The following SPMIP7 variants were observed in gnomAD, a reference collection of about 807,000 sequenced individuals.
SPMIP7 encodes sperm microtubule inner protein 7.
At chr7:50,098,508 A>AT in the SPMIP7 span, among the ~76,000 whole-genome samples, 3 of 152,164 alleles carry the variant, frequency 2.0e-5, no homozygotes, top group Non-Finnish European at 4.4e-5. Context: ...AAACCATTGT[A>AT]TTAAGTCACT....
chr7:50,150,473 G>A, the SPMIP7 span, among the ~76,000 whole-genome samples: 2 of 152,136 alleles, frequency 1.3e-5, no homozygotes, highest in African/African-American at 2.4e-5. Context: ...GCGTTGATAC[G>A]ACTCTGCAAA....
the SPMIP7 span, among the ~76,000 whole-genome samples, chr7:50,101,230 C>T: frequency 6.6e-6 from 1 of 152,222 alleles, no homozygotes; most frequent in Non-Finnish European, 1.5e-5. Context: ...ACTTGATAAG[C>T]ACTTGCACGT....
chr7:50,135,090 G>T, the SPMIP7 span, among the ~76,000 whole-genome samples: 3 of 152,288 alleles, frequency 2.0e-5, no homozygotes, highest in African/African-American at 7.2e-5. Context: ...TTTCCAGGTT[G>T]TGTGCTTTGC....
chr7:50,141,936 G>C, the SPMIP7 span: 5 of 152,678 alleles, frequency 3.3e-5, no homozygotes, highest in East Asian at 9.7e-4. Context: ...CACTGTGTTA[G>C]CCAGGATGGT....
chr7:50,095,964 G>T, the SPMIP7 span: 1 of 620,786 alleles, frequency 1.6e-6, no homozygotes, highest in Non-Finnish European at 2.5e-6. Context: ...TTAGAAAGCT[G>T]TGTCAATTTT....
At chr7:50,107,396 G>GA in the SPMIP7 span, among the ~76,000 whole-genome samples, 164 of 53,210 alleles carry the variant, frequency 3.1e-3, 1 homozygote, top group Non-Finnish European at 3.5e-3. Context: ...GAAAAGAAAA[G>GA]AAAAAGAAAA....
At chr7:50,112,101 A>G in the SPMIP7 span, among the ~76,000 whole-genome samples, 17 of 152,276 alleles carry the variant, frequency 1.1e-4, no homozygotes, top group Non-Finnish European at 2.2e-4. Context: ...ATTATCTTGG[A>G]ATAATAATTA....
chr7:50,099,874 C>T, the SPMIP7 span, among the ~76,000 whole-genome samples: 1 of 152,134 alleles, frequency 6.6e-6, no homozygotes, highest in Non-Finnish European at 1.5e-5. Context: ...CTACCTTCTC[C>T]ATCTTCCCCC....
At chr7:50,131,132 ATTG>A in the SPMIP7 span, among the ~76,000 whole-genome samples, 1 of 152,146 alleles carries the variant, frequency 6.6e-6, no homozygotes, top group African/African-American at 2.4e-5. Flanking sequence ...TTAGGAGGTT[ATTG>A]TTGTCATTTA....
chr7:50,099,609 A>G, the SPMIP7 span, among the ~76,000 whole-genome samples: 1 of 152,178 alleles, frequency 6.6e-6, no homozygotes, highest in African/African-American at 2.4e-5. Context: ...TTCCTTCCCA[A>G]GTGAATCTGA....
At chr7:50,134,220 T>G in the SPMIP7 span, 24 of 1,545,536 alleles carry the variant, frequency 1.6e-5, no homozygotes, top group Non-Finnish European at 2.0e-5. Flanking sequence ...TCTGAAAAGA[T>G]ATAAAGGGGT....
At chr7:50,104,177 A>G in the SPMIP7 span, 2 of 423,308 alleles carry the variant, frequency 4.7e-6, no homozygotes, top group Non-Finnish European at 8.8e-6. Flanking sequence ...TAAAAGATCC[A>G]GAAAAGTTAT....
At chr7:50,099,672 T>G in the SPMIP7 span, among the ~76,000 whole-genome samples, 1 of 152,150 alleles carries the variant, frequency 6.6e-6, no homozygotes, top group Non-Finnish European at 1.5e-5. Context: ...TGAGCTATGG[T>G]GTCTACTAGC....
chr7:50,139,175 C>G, the SPMIP7 span, among the ~76,000 whole-genome samples: 32 of 151,628 alleles, frequency 2.1e-4, no homozygotes, highest in African/African-American at 7.8e-4. Context: ...GTGGTGAAAC[C>G]CCGTCTCTAC....
chr7:50,141,109 C>A, the SPMIP7 span, among the ~76,000 whole-genome samples: 1 of 152,168 alleles, frequency 6.6e-6, no homozygotes, highest in African/African-American at 2.4e-5. Context: ...AGAAAATTAT[C>A]TTTATATTTT....
At chr7:50,138,078 A>G in the SPMIP7 span, among the ~76,000 whole-genome samples, 1 of 152,204 alleles carries the variant, frequency 6.6e-6, no homozygotes, top group Non-Finnish European at 1.5e-5. Flanking sequence ...CTGCCTTGAA[A>G]TAATAAAGAT....
the SPMIP7 span, among the ~76,000 whole-genome samples, chr7:50,109,176 A>C: frequency 0.84 from 126,909 of 151,660 alleles, 53,141 homozygotes; most frequent in East Asian, 0.92. Flanking sequence ...GTTTACAAAG[A>C]ATAAACCATT....
chr7:50,154,510 C>T, the SPMIP7 span, among the ~76,000 whole-genome samples: 1 of 152,204 alleles, frequency 6.6e-6, no homozygotes, highest in Non-Finnish European at 1.5e-5. Flanking sequence ...ATGTTTCTTT[C>T]TGTGTCTATT....
the SPMIP7 span, among the ~76,000 whole-genome samples, chr7:50,119,179 G>A: frequency 6.6e-5 from 10 of 151,950 alleles, no homozygotes; most frequent in Non-Finnish European, 1.3e-4. Flanking sequence ...TGCCACCCAC[G>A]CTGCAGTAAA....
Sources: gnomAD v4.1 joint callset for allele counts (sites outside exome capture counted in the v4.1 genomes callset) on GRCh38, gnomAD v4.1.1 for gene constraint, MANE v1.5 for transcripts, NCBI Gene and HGNC (gene_info 2026-07-23, HGNC 2026-07-21) for gene names.